PDE7B: variants seen among roughly 807,000 people sequenced by gnomAD.
The protein encoded by PDE7B is 3',5'-cyclic-AMP phosphodiesterase 7B.
Under a neutral mutation model 56.2 loss-of-function variants are expected in PDE7B, and 29 were observed. The ratio of observed to expected loss-of-function variants is 0.52; its 90% CI spans 0.38 to 0.70. The LOEUF is 0.70. Among genes scored for constraint, PDE7B ranks in the 30% least tolerant of loss-of-function variants. PDE7B has a pLI of 0.00. For missense variants in PDE7B, 490 were observed against 565.0 expected (o/e 0.87, Z 1.35); for synonymous variants, 197 against 196.9 (o/e 1.00, Z 0.00).
intron 3 of PDE7B, among the ~76,000 whole-genome samples, chr6:136,113,419 A>G (rs997821166): frequency 2.0e-5 from 3 of 152,192 alleles, no homozygotes; most frequent in African/African-American, 7.2e-5. Context: ...CCCTGTTTCT[A>G]TTTTACACAA....
chr6:136,126,382 A>G (rs1778023207), intron 3 of PDE7B, among the ~76,000 whole-genome samples: 1 of 152,240 alleles, frequency 6.6e-6, no homozygotes, highest in South Asian at 2.1e-4. Context: ...ACCACTATGG[A>G]AAACAGTGTG....
At chr6:136,019,679 C>T (rs1010060101) in intron 2 of PDE7B, among the ~76,000 whole-genome samples, 3 of 152,140 alleles carry the variant, frequency 2.0e-5, no homozygotes, top group African/African-American at 7.2e-5. Flanking sequence ...TACTAATAGC[C>T]TATTTTGACC....
chr6:136,193,063 A>T lies in PDE7B; in HGVS notation c.*1223A>T, dbSNP rs1779255151. 1 of 152,650 alleles carries T rather than the reference A, an allele frequency of 6.6e-6. No homozygotes were observed. The highest frequency in any genetic ancestry group is 1.5e-5 in the Non-Finnish European group (1 of 68,052). 9.5% of individuals were successfully genotyped at this position (152,650 alleles called of 1,614,324 possible). ...AAGCCTGAATCAGTCACTTTTCAAC[A>T]CAGCGATGTTTTAACAAGCCAGCTG... On this transcript the variant is annotated 3_prime_UTR_variant, in exon 13 of 13. Coordinates refer to ENST00000308191, the MANE Select transcript of PDE7B (RefSeq NM_018945.4).
intron 1 of PDE7B, among the ~76,000 whole-genome samples, chr6:135,852,537 G>T (rs1774959337): frequency 6.6e-6 from 1 of 152,116 alleles, no homozygotes; most frequent in Admixed American, 6.5e-5. Context: ...CTGATAGTGA[G>T]ACTGAAGGTA....
intron 1 of PDE7B, among the ~76,000 whole-genome samples, chr6:135,934,298 T>C (rs1309525579): frequency 2.0e-5 from 3 of 152,208 alleles, no homozygotes; most frequent in Non-Finnish European, 4.4e-5. Flanking sequence ...CTTAACCCTG[T>C]ACTAATGAGA....
At chr6:136,025,357 G>A (rs1405894326) in intron 2 of PDE7B, among the ~76,000 whole-genome samples, 1 of 152,150 alleles carries the variant, frequency 6.6e-6, no homozygotes, top group Non-Finnish European at 1.5e-5. Flanking sequence ...ATGTGTTTCA[G>A]AAGTGTAGAA....
chr6:136,002,088 T>A (rs1775680286), intron 2 of PDE7B, among the ~76,000 whole-genome samples: 1 of 152,156 alleles, frequency 6.6e-6, no homozygotes, highest in Non-Finnish European at 1.5e-5. Flanking sequence ...GAATTTCATA[T>A]CCAGTGAAAC....
intron 2 of PDE7B, among the ~76,000 whole-genome samples, chr6:135,953,706 G>A (rs1325693434): frequency 1.3e-5 from 2 of 152,010 alleles, no homozygotes; most frequent in African/African-American, 2.4e-5. Context: ...TCTCAATTTG[G>A]TTCAAGTGAA....
intron 2 of PDE7B, among the ~76,000 whole-genome samples, chr6:135,982,629 A>G (rs2128204379): frequency 6.6e-6 from 1 of 152,248 alleles, no homozygotes; most frequent in East Asian, 1.9e-4. Flanking sequence ...ATAAAATCTG[A>G]TGAAGTCTGG....
At chr6:135,955,557 A>C (rs529866177) in intron 2 of PDE7B, among the ~76,000 whole-genome samples, 26 of 152,322 alleles carry the variant, frequency 1.7e-4, no homozygotes, top group African/African-American at 6.3e-4. Flanking sequence ...GATTATGAAG[A>C]GCCTTATAAT....
intron 2 of PDE7B, among the ~76,000 whole-genome samples, chr6:136,040,026 TTCCTGAAAAAGC>T (rs1776388575): frequency 6.6e-6 from 1 of 152,242 alleles, no homozygotes; most frequent in African/African-American, 2.4e-5. Flanking sequence ...GAACATCTAA[TTCCTGAAAAAGC>T]AATACTCTGG....
intron 8 of PDE7B, among the ~76,000 whole-genome samples, chr6:136,164,461 G>A (rs987905201): frequency 6.6e-6 from 1 of 151,834 alleles, no homozygotes; most frequent in African/African-American, 2.4e-5. Context: ...AAATATTAAA[G>A]GAAGTCTCCT....
intron 8 of PDE7B, among the ~76,000 whole-genome samples, chr6:136,170,442 CAAT>C (rs1382249843): frequency 2.6e-5 from 4 of 152,084 alleles, no homozygotes; most frequent in African/African-American, 7.2e-5. Flanking sequence ...GCCCATTAAA[CAAT>C]AATTCCCTGT....
intron 2 of PDE7B, among the ~76,000 whole-genome samples, chr6:135,950,560 G>C (rs1458703989): frequency 6.6e-6 from 1 of 152,084 alleles, no homozygotes; most frequent in African/African-American, 2.4e-5. Context: ...TCAGATCCCT[G>C]ATGGGGACCA....
intron 4 of PDE7B, 76 bp from the exon 5 acceptor site, chr6:136,149,011 T>C (rs1402312886): frequency 3.0e-6 from 3 of 1,011,222 alleles, no homozygotes; most frequent in Non-Finnish European, 4.7e-6. Flanking sequence ...AATTGTTTAA[T>C]CCACTATATC....
At chr6:135,990,093 T>C (rs1193022160) in intron 2 of PDE7B, among the ~76,000 whole-genome samples, 1 of 136,900 alleles carries the variant, frequency 7.3e-6, no homozygotes, top group South Asian at 2.4e-4. Flanking sequence ...TTTTGGGGTT[T>C]TTTTGTTTTT....
intron 2 of PDE7B, among the ~76,000 whole-genome samples, chr6:135,962,396 T>C (rs1435083624): frequency 1.3e-5 from 2 of 152,134 alleles, no homozygotes; most frequent in Non-Finnish European, 2.9e-5. Flanking sequence ...GTATCAGAAT[T>C]GAGTTGAATG....
intron 9 of PDE7B, among the ~76,000 whole-genome samples, chr6:136,174,988 A>G (rs1355542841): frequency 1.3e-5 from 2 of 152,212 alleles, no homozygotes; most frequent in African/African-American, 4.8e-5. Context: ...GAGACAAGGA[A>G]GAAAGAAGGA....
chr6:136,024,757 C>A (rs1022419264), intron 2 of PDE7B, among the ~76,000 whole-genome samples: 3 of 152,128 alleles, frequency 2.0e-5, no homozygotes, highest in Admixed American at 6.5e-5. Context: ...AGAATAAAAG[C>A]AGTTTTGTTT....
Sources: gnomAD v4.1 joint callset for allele counts (sites outside exome capture counted in the v4.1 genomes callset) on GRCh38, gnomAD v4.1.1 for gene constraint, MANE v1.5 for transcripts, NCBI Gene and HGNC (gene_info 2026-07-23, HGNC 2026-07-21) for gene names.